ATXN2: variants seen among roughly 807,000 people sequenced by gnomAD.
ATXN2 encodes the protein ataxin-2.
ATXN2 carries 37 observed loss-of-function variants against 138.6 expected under a neutral mutation model. The ratio of observed to expected loss-of-function variants is 0.27; its 90% confidence interval spans 0.21 to 0.35. The LOEUF (loss-of-function observed/expected upper bound fraction) is 0.35. ATXN2 is among the 10% of genes least tolerant of loss of function. The pLI, the probability that ATXN2 is intolerant of heterozygous loss-of-function variation, is 1.00. For missense variants in ATXN2, 1,216 were observed against 1,480.3 expected (o/e 0.82, Z 2.93); for synonymous variants, 549 against 543.7 (o/e 1.01, Z -0.13).
chr12:111,455,939 G>T, intron 23 of ATXN2, 90 bp downstream of exon 23: 1 of 1,248,564 alleles, frequency 8.0e-7, no homozygotes, highest in East Asian at 2.3e-5. Context: ...GACACACAGG[G>T]TTTCCTAGCT....
intron 1 of ATXN2, among the ~76,000 whole-genome samples, chr12:111,564,276 G>C (rs1882864538): frequency 6.6e-6 from 1 of 151,728 alleles, no homozygotes; most frequent in Non-Finnish European, 1.5e-5. Context: ...GATACACACT[G>C]AGTAAATACC....
At position 111,598,975 on chromosome 12, in the gene ATXN2, CT is replaced by C; in HGVS notation, c.59del (p.Gln20ArgfsTer26). 1 of 1,218,492 alleles carries C rather than the reference CT, an allele frequency of 8.2e-7. No individual in the cohort carries two copies. Among genetic ancestry groups the C allele is most frequent in the Non-Finnish European group, 1.1e-6 (1 of 912,546 alleles). The allele number at this position is 1,218,492 out of a possible 1,614,324, so 75.5% of individuals were successfully genotyped here. ...QQQQQQQQQQ[Q>X]QQQQQQQQPP... ...GCTGCTGCTGCTGCTGCTGCTGCTG[CT>C]GTTGCTGCTGCTGCTGCTGCTGCTG... On this transcript the variant is annotated frameshift_variant, in exon 1 of 25. Coordinates refer to ENST00000673436, the MANE Select transcript of ATXN2 (RefSeq NM_001372574.1). LOFTEE classifies it high-confidence loss of function. The surrounding 1 kb of genome is among the most constrained non-coding windows in gnomAD (Gnocchi z 4.5).
At chr12:111,464,026 G>A (rs1470518452) in intron 21 of ATXN2, among the ~76,000 whole-genome samples, 1 of 151,664 alleles carries the variant, frequency 6.6e-6, no homozygotes, top group Non-Finnish European at 1.5e-5. Context: ...GACCTCAGAT[G>A]ATCCACCCGC....
At chr12:111,533,173 T>A (rs1318968002) in intron 5 of ATXN2, among the ~76,000 whole-genome samples, 1 of 152,190 alleles carries the variant, frequency 6.6e-6, no homozygotes, top group Non-Finnish European at 1.5e-5. Context: ...AAGGGATGTA[T>A]GGAACAGAAC....
chr12:111,599,110 A>G lies in ATXN2; in HGVS notation c.-76T>C. The G allele has an allele frequency of 7.8e-7, 1 of 1,284,424 alleles. No individual in the cohort carries two copies. The highest frequency in any genetic ancestry group is 9.8e-7 in the Non-Finnish European group (1 of 1,017,614). The allele number at this position is 1,284,424 out of a possible 1,614,324, so 79.6% of individuals were successfully genotyped here. A position where few individuals can be genotyped will look rare whatever the true frequency, so the allele number is the denominator to read the frequency against. ...CCGGGCGCGCCAAGGAGACGCCGGA[A>G]CGCGGCGGGGACGCGCGGGCGCCGA... On this transcript the variant is annotated 5_prime_UTR_variant, in exon 1 of 25. Transcript: ENST00000673436.
chr12:111,593,232 T>G (rs1884769000), intron 1 of ATXN2, among the ~76,000 whole-genome samples: 1 of 151,922 alleles, frequency 6.6e-6, no homozygotes, highest in South Asian at 2.1e-4. Flanking sequence ...AAGCTGGGAT[T>G]ACAGGCGCCC....
chr12:111,556,980 GA>G (rs1343306475), intron 1 of ATXN2, among the ~76,000 whole-genome samples: 1 of 151,952 alleles, frequency 6.6e-6, no homozygotes, highest in Non-Finnish European at 1.5e-5. Context: ...CTCTCCCTCA[GA>G]AAAGATGCAG....
rs568867915 is a variant in ATXN2 at position 111,506,157 on chromosome 12, G to A, written c.1935+3392C>T. Reference sequence around the variant, plus strand: ...TTTGCCCCAAATAAGCCCATCCATAGAGACAGAAAGTAGATTAACGGTTGC... The same window carrying A: ...TTTGCCCCAAATAAGCCCATCCATAAAGACAGAAAGTAGATTAACGGTTGC... On this transcript the variant is annotated intron_variant, in intron 14 of 24. Coordinates refer to ENST00000673436, the MANE Select transcript of ATXN2 (RefSeq NM_001372574.1). Among the ~76,000 whole-genome samples the A allele has an allele frequency of 5.9e-5, 9 of 152,296 alleles. No individual in the cohort carries two copies. The South Asian group carries it at 1.7e-3, about 28-fold the overall frequency.
chr12:111,464,072 G>C (rs1875792235), intron 21 of ATXN2, among the ~76,000 whole-genome samples: 1 of 152,182 alleles, frequency 6.6e-6, no homozygotes, highest in Non-Finnish European at 1.5e-5. Context: ...ACAGGTGTGA[G>C]CCACCGTGCC....
At chr12:111,480,771 C>T (rs1283607565) in intron 18 of ATXN2, among the ~76,000 whole-genome samples, 2 of 152,158 alleles carry the variant, frequency 1.3e-5, no homozygotes. Context: ...GACCACTACT[C>T]TCATCTCATA....
intron 1 of ATXN2, among the ~76,000 whole-genome samples, chr12:111,592,799 A>AAAAAAAAAAAAAAAAAAAAAAG (rs1884740685): frequency 6.8e-6 from 1 of 146,536 alleles, no homozygotes; most frequent in Non-Finnish European, 1.5e-5. Flanking sequence ...AAAAAAAAAA[A>AAAAAAAAAAAAAAAAAAAAAAG]AAAAAGATAA....
At chr12:111,523,594 C>T (rs376678226) in intron 6 of ATXN2, among the ~76,000 whole-genome samples, 3 of 151,968 alleles carry the variant, frequency 2.0e-5, no homozygotes, top group Non-Finnish European at 2.9e-5. Context: ...GGTGTGGTGG[C>T]GCACGCCTAT....
At chr12:111,586,388 G>GTTT (rs759694846) in intron 1 of ATXN2, among the ~76,000 whole-genome samples, 5 of 114,856 alleles carry the variant, frequency 4.4e-5, no homozygotes, top group Non-Finnish European at 7.4e-5. Context: ...CCCAAGTCTG[G>GTTT]TTTTTTTTTT....
At chr12:111,506,991 A>T (rs1489244659) in intron 14 of ATXN2, among the ~76,000 whole-genome samples, 1 of 152,120 alleles carries the variant, frequency 6.6e-6, no homozygotes, top group Non-Finnish European at 1.5e-5. Context: ...GCTGGAGTGC[A>T]GTGGCGTGAT....
rs1224122605 is a variant in ATXN2, at chr12:111,497,759, G to A, written c.1936-8979C>T. 3.3e-5 allele frequency among the ~76,000 whole-genome samples: 5 copies of A among 152,090 alleles called. No individual in the cohort carries two copies. In the East Asian group the frequency reaches 7.7e-4, roughly 23 times the overall value. On this transcript the variant is annotated intron_variant, in intron 14 of 24. Coordinates refer to ENST00000673436, the MANE Select transcript of ATXN2 (RefSeq NM_001372574.1). ...TGGCCGGGCGTGGTGGCTCACGCCTGTAATCCCAGCACTTTGGGAGGCTGA... is the reference window on the plus strand; with the variant it reads ...TGGCCGGGCGTGGTGGCTCACGCCTATAATCCCAGCACTTTGGGAGGCTGA...
chr12:111,510,252 A>G (rs755560614), intron 12 of ATXN2, 133 bp downstream of exon 12: 51 of 1,055,072 alleles, frequency 4.8e-5, no homozygotes, highest in Non-Finnish European at 6.4e-5. Context: ...CAAAATTTAC[A>G]TAAACTTTTA....
At chr12:111,474,972 G>A (rs889247362) in intron 18 of ATXN2, among the ~76,000 whole-genome samples, 2 of 152,110 alleles carry the variant, frequency 1.3e-5, no homozygotes, top group African/African-American at 4.8e-5. Context: ...CCAGCACTTT[G>A]GGAGGCCGAG....
At chr12:111,455,329 T>C (rs1874995646) in intron 23 of ATXN2, 3 of 522,254 alleles carry the variant, frequency 5.7e-6, no homozygotes, top group Admixed American at 6.3e-5. Flanking sequence ...TGCAGGGACC[T>C]TTGTCAGCAG....
intron 20 of ATXN2, 52 bp from the exon 21 acceptor site, chr12:111,464,767 C>T: frequency 2.1e-6 from 3 of 1,444,982 alleles, no homozygotes; most frequent in Non-Finnish European, 2.9e-6. Flanking sequence ...GTGCATTTTC[C>T]AAATTTTCTG....
Sources: gnomAD v4.1 joint callset for allele counts (sites outside exome capture counted in the v4.1 genomes callset) on GRCh38, gnomAD v4.1.1 for gene constraint, Gnocchi (gnomAD v3.1) non-coding constraint, MANE v1.5 for transcripts, NCBI Gene and HGNC (gene_info 2026-07-23, HGNC 2026-07-21) for gene names.